The following GPATCH8 variants were observed in gnomAD, a reference collection of about 807,000 sequenced individuals.
GPATCH8 encodes G patch domain-containing protein 8.
Under a neutral mutation model 118.3 loss-of-function variants are expected in GPATCH8, and 18 were observed. The observed-to-expected ratio is 0.15, with a 90% CI of 0.11 to 0.23. The LOEUF (loss-of-function observed/expected upper bound fraction) is 0.23, where lower values mean the gene tolerates loss of function less well. Among genes scored for constraint, GPATCH8 ranks in the 10% least tolerant of loss-of-function variants. GPATCH8 has a pLI of 1.00. For missense variants in GPATCH8, 1,631 were observed against 1,873.8 expected, an observed-to-expected ratio of 0.87 and a Z score of 2.39; for synonymous variants, 659 against 684.7, an observed-to-expected ratio of 0.96 and a Z score of 0.59.
At chr17:44,436,350 T>A (rs1428867637) in intron 4 of GPATCH8, 128 bp downstream of exon 4, 3 of 693,236 alleles carry the variant, frequency 4.3e-6, no homozygotes, top group Non-Finnish European at 7.9e-6. Flanking sequence ...TATTTTTTAG[T>A]CATCCAAAGA....
At chr17:44,450,625 G>C (rs927629952) in intron 3 of GPATCH8, among the ~76,000 whole-genome samples, 1 of 152,106 alleles carries the variant, frequency 6.6e-6, no homozygotes, top group African/African-American at 2.4e-5. Flanking sequence ...TCTCTTTTCC[G>C]AGTGTTTTAA....
chr17:44,399,023 C>A lies in GPATCH8; in HGVS notation c.3054G>T (p.Arg1018Ser), dbSNP rs752341554. The part of the protein sequence containing the change: ...RSWGHESPEE[R>S]HSGRRDFIRS... Reference sequence around the variant, plus strand: ...GAATGAAGTCCCGACGCCCAGAATGCCTCTCCTCAGGGCTCTCGTGACCCC... The same window carrying A: ...GAATGAAGTCCCGACGCCCAGAATGACTCTCCTCAGGGCTCTCGTGACCCC... Residue 1018 changes from arginine to serine, a missense_variant, in exon 8 of 8, where the codon AGG becomes AGT. By Grantham distance (110) the Arg-to-Ser change is moderately radical. Transcript: ENST00000591680. 4 of 1,613,808 alleles carry A rather than the reference C, an allele frequency of 2.5e-6. No individual in the cohort carries two copies. In the South Asian group the frequency reaches 4.4e-5, roughly 18 times the overall value.
In GPATCH8 at chr17:44,395,714, CTT is replaced by C. The variant is rs2048755529; in HGVS notation, c.*1852_*1853del. 1 of 454,008 alleles carries C rather than the reference CTT, an allele frequency of 2.2e-6. No homozygotes were observed. The allele number at this position is 454,008 out of a possible 1,614,324, so 28.1% of individuals were successfully genotyped here. On this transcript the variant is annotated 3_prime_UTR_variant, in exon 8 of 8. Transcript: ENST00000591680. ...CCACTTTCTTTTCATAAACTTTACT[CTT>C]TTGAGAATTTGCGAAGGCAGGAACA... is the stretch of plus-strand genomic sequence containing the variant.
rs530914245 is a variant in GPATCH8, at chr17:44,481,603, T to C, written c.46-6700A>G. 2.0e-5 allele frequency among the ~76,000 whole-genome samples: 3 copies of C among 152,316 alleles called. No homozygotes were observed. The South Asian group carries it at 6.2e-4, about 32-fold the overall frequency. On this transcript the variant is annotated intron_variant, in intron 1 of 7. Coordinates refer to ENST00000591680, the MANE Select transcript of GPATCH8 (RefSeq NM_001002909.4). ...ATGATGCGTTTTGTCAATACTCAAA[T>C]TGTACTTTTTTTTCACCGTCTTATG... is the stretch of plus-strand genomic sequence containing the variant.
chr17:44,422,240 G>A (rs929666545), intron 6 of GPATCH8, among the ~76,000 whole-genome samples: 2 of 152,064 alleles, frequency 1.3e-5, no homozygotes, highest in African/African-American at 4.8e-5. Context: ...GAAGTGCAGT[G>A]GCATGATCAT....
chr17:44,449,073 C>T (rs1055856742), intron 3 of GPATCH8, among the ~76,000 whole-genome samples: 4 of 151,922 alleles, frequency 2.6e-5, no homozygotes, highest in Non-Finnish European at 5.9e-5. Context: ...GTTAGGAGTT[C>T]GAGACTAGCC....
chr17:44,477,815 T>C (rs1242934422), intron 1 of GPATCH8, among the ~76,000 whole-genome samples: 6 of 152,114 alleles, frequency 3.9e-5, no homozygotes, highest in Non-Finnish European at 8.8e-5. Flanking sequence ...AGTCTTTTTG[T>C]TTTGTTTTGT....
chr17:44,453,539 G>A (rs1457105563), intron 3 of GPATCH8, among the ~76,000 whole-genome samples: 1 of 151,346 alleles, frequency 6.6e-6, no homozygotes, highest in African/African-American at 2.4e-5. Context: ...GTGCAGGCGC[G>A]CGTTTTGAGA....
At chr17:44,502,014 A>C (rs964025174) in intron 1 of GPATCH8, among the ~76,000 whole-genome samples, 1 of 152,140 alleles carries the variant, frequency 6.6e-6, no homozygotes, top group Admixed American at 6.6e-5. Context: ...TTATATCCTT[A>C]GAACATCCTG....
chr17:44,399,106 C>G lies in GPATCH8; in HGVS notation c.2971G>C (p.Asp991His). The change falls in exon 8 of 8, where the codon GAC becomes CAC. Residue 991 changes from aspartate (D) to histidine (H), a missense_variant. Around this residue, in one of 8 missense-constraint regions of GPATCH8, gnomAD observed 922 missense variants for 879.7 expected, o/e 1.05. Coordinates refer to ENST00000591680, the MANE Select transcript of GPATCH8 (RefSeq NM_001002909.4). ...GGGCTCCTGGTGCTGCGGCTGCGGT[C>G]CCGGCTATAGCTCCGGCTCCGTTGC... Reference protein sequence around the residue: ...SWQRSRSYSRDRSRSTRSPSQ... With the variant: ...SWQRSRSYSRHRSRSTRSPSQ... The G allele has an allele frequency of 6.2e-7, 1 of 1,613,504 alleles. No individual in the cohort carries two copies. The highest frequency in any genetic ancestry group is 8.5e-7 in the Non-Finnish European group (1 of 1,179,628).
chr17:44,478,326 C>A (rs1471138303), intron 1 of GPATCH8, among the ~76,000 whole-genome samples: 1 of 152,178 alleles, frequency 6.6e-6, no homozygotes, highest in Non-Finnish European at 1.5e-5. Flanking sequence ...AATATCGATT[C>A]TTTCACTCTA....
intron 3 of GPATCH8, among the ~76,000 whole-genome samples, chr17:44,447,334 T>G (rs775163508): frequency 1.3e-5 from 2 of 150,570 alleles, no homozygotes; most frequent in Admixed American, 6.7e-5. Context: ...AATTTTTGTA[T>G]TTTTAGTAGA....
chr17:44,410,277 G>A (rs1270010831), intron 6 of GPATCH8, among the ~76,000 whole-genome samples: 4 of 152,152 alleles, frequency 2.6e-5, no homozygotes, highest in African/African-American at 9.7e-5. Context: ...ATTCTAAAGA[G>A]GAACACAACT....
chr17:44,483,729 C>G lies in GPATCH8; in HGVS notation c.46-8826G>C, dbSNP rs144479812. On this transcript the variant is annotated intron_variant, in intron 1 of 7. Transcript: ENST00000591680. Reference sequence around the variant, plus strand: ...CGATCTCAACTCACTGCAACCTCTGCCCCCTGGGTTCAAGTAATTCTTGTG... The same window carrying G: ...CGATCTCAACTCACTGCAACCTCTGGCCCCTGGGTTCAAGTAATTCTTGTG... Among the ~76,000 whole-genome samples, 1,488 of 152,124 alleles carry G rather than the reference C, an allele frequency of 9.8e-3. 17 individuals are homozygous for G. Among genetic ancestry groups the G allele is most frequent in the African/African-American group, 0.034 (1,409 of 41,496 alleles).
chr17:44,468,373 CTTTTTTTTTTTTTTTT>C lies in GPATCH8; in HGVS notation c.121-3845_121-3830del, dbSNP rs869068538. Reference sequence around the variant, plus strand: ...CAATGAACATTAAATTTCTTTGTTCCTTTTTTTTTTTTTTTTTTTTTTTTTTTTTTGTGAGACAGGG... The same window carrying C: ...CAATGAACATTAAATTTCTTTGTTCCTTTTTTTTTTTTTTGTGAGACAGGG... On this transcript the variant is annotated intron_variant, in intron 2 of 7. Transcript: ENST00000591680. Among the ~76,000 whole-genome samples the C allele has an allele frequency of 1.1e-3, 110 of 100,022 alleles. No individual in the cohort carries two copies. The East Asian group carries it at 0.016, about 15-fold the overall frequency. 65.6% of individuals were successfully genotyped at this position (100,022 alleles called of 152,430 possible). A position where few individuals can be genotyped will look rare whatever the true frequency, so the allele number is the denominator to read the frequency against.
At chr17:44,470,407 A>T (rs975384816) in intron 2 of GPATCH8, among the ~76,000 whole-genome samples, 3 of 151,756 alleles carry the variant, frequency 2.0e-5, no homozygotes, top group African/African-American at 7.3e-5. Flanking sequence ...CGTGTTAGCC[A>T]GAATGGTCTA....
intron 3 of GPATCH8, among the ~76,000 whole-genome samples, chr17:44,460,195 T>A (rs1324705981): frequency 6.6e-6 from 1 of 152,242 alleles, no homozygotes; most frequent in Admixed American, 6.5e-5. Context: ...TTATTCTGAA[T>A]TAAACATATC....
chr17:44,487,075 T>C (rs902074743), intron 1 of GPATCH8, among the ~76,000 whole-genome samples: 1 of 152,194 alleles, frequency 6.6e-6, no homozygotes, highest in African/African-American at 2.4e-5. Context: ...TTGACAAATG[T>C]ATACAGACAT....
chr17:44,414,465 G>A (rs2049601989), intron 6 of GPATCH8, among the ~76,000 whole-genome samples: 1 of 151,904 alleles, frequency 6.6e-6, no homozygotes, highest in South Asian at 2.1e-4. Flanking sequence ...ACTCCATCAT[G>A]CCCTGCTAAT....
Sources: allele counts gnomAD v4.1 joint callset (sites outside exome capture counted in the v4.1 genomes callset), GRCh38; gene constraint gnomAD v4.1.1; regional missense constraint gnomAD v4.1.1; transcripts MANE v1.5; gene names NCBI Gene and HGNC (gene_info 2026-07-23, HGNC 2026-07-21).